PGM5: variants seen among roughly 807,000 people sequenced by gnomAD.
PGM5 encodes phosphoglucomutase-like protein 5.
In PGM5, 23 loss-of-function variants were observed where a neutral mutation model predicts 59.2. The observed-to-expected ratio is 0.39, with a 90% CI of 0.28 to 0.55. PGM5 has a LOEUF of 0.55. Ranked by LOEUF, PGM5 falls within the 20% of genes least tolerant of loss-of-function variation. The pLI is 0.66. For synonymous variants in PGM5, 214 were observed against 286.0 expected (o/e 0.75, Z 2.54); for missense variants, 574 against 748.3 (o/e 0.77, Z 2.72).
At chr9:68,465,003 T>C in intron 6 of PGM5, 90 bp from the exon 7 acceptor site, 2 of 731,472 alleles carry the variant, frequency 2.7e-6, no homozygotes, top group Non-Finnish European at 2.4e-6. Flanking sequence ...GCTATGGATT[T>C]AGTAGATCCT....
rs531704768 is a variant in PGM5, at chr9:68,394,723, C to A, written c.1043+2250C>A. On this transcript the variant is annotated intron_variant, in intron 6 of 10. Transcript: ENST00000396396. Reference sequence around the variant, plus strand: ...GTAACCTTCAACTGCTGGGCTCAAGCAATCCTCCCAACTCAGCCTCCTGAG... The same window carrying A: ...GTAACCTTCAACTGCTGGGCTCAAGAAATCCTCCCAACTCAGCCTCCTGAG... Among the ~76,000 whole-genome samples the A allele has an allele frequency of 5.2e-3, 788 of 151,768 alleles. 3 individuals are homozygous for A. The highest frequency in any genetic ancestry group is 0.019 in the African/African-American group (767 of 41,352).
intron 7 of PGM5, among the ~76,000 whole-genome samples, chr9:68,476,711 C>T (rs1331624293): frequency 6.6e-6 from 1 of 152,196 alleles, no homozygotes; most frequent in Non-Finnish European, 1.5e-5. Context: ...CCTTATTAAT[C>T]TTGGCAAATG....
At chr9:68,467,857 T>A (rs1438779470) in intron 7 of PGM5, among the ~76,000 whole-genome samples, 1 of 152,198 alleles carries the variant, frequency 6.6e-6, no homozygotes, top group African/African-American at 2.4e-5. Flanking sequence ...TGCAACTTCC[T>A]TAGTTGCAAT....
intron 9 of PGM5, among the ~76,000 whole-genome samples, chr9:68,489,762 C>T (rs1387225943): frequency 6.6e-6 from 1 of 152,190 alleles, no homozygotes; most frequent in African/African-American, 2.4e-5. Context: ...GCTCAAAAAT[C>T]ATGAAACTCT....
At position 68,529,687 on chromosome 9, in the gene PGM5, G is replaced by A; in HGVS notation, c.*31G>A. On this transcript the variant is annotated 3_prime_UTR_variant, in exon 11 of 11. Coordinates refer to ENST00000396396, the MANE Select transcript of PGM5 (RefSeq NM_021965.4). ...GGAAAGATCACTCACCAGGGCCAAA[G>A]AGAGTGCTCAGCGGGAGATGCTTCA... The A allele has an allele frequency of 1.4e-6, 2 of 1,405,856 alleles. No homozygotes were observed. Among genetic ancestry groups the A allele is most frequent in the Non-Finnish European group, 2.0e-6 (2 of 1,015,660 alleles). The allele number at this position is 1,405,856 out of a possible 1,614,324, so 87.1% of individuals were successfully genotyped here.
At chr9:68,409,374 G>A (rs1466968143) in intron 6 of PGM5, among the ~76,000 whole-genome samples, 7 of 142,364 alleles carry the variant, frequency 4.9e-5, no homozygotes, top group Non-Finnish European at 1.1e-4. Context: ...CCCATTACTG[G>A]GTATATACCC....
At chr9:68,430,000 G>C (rs1169423360) in intron 6 of PGM5, among the ~76,000 whole-genome samples, 1 of 152,062 alleles carries the variant, frequency 6.6e-6, no homozygotes, top group Non-Finnish European at 1.5e-5. Context: ...ATCTGAGGTT[G>C]GTTTTGTTTC....
chr9:68,410,785 G>A (rs1480786685), intron 6 of PGM5, among the ~76,000 whole-genome samples: 140 of 152,132 alleles, frequency 9.2e-4, no homozygotes, highest in Non-Finnish European at 1.6e-3. Flanking sequence ...AAGCAATGTG[G>A]CTCTCTGTTG....
intron 10 of PGM5, among the ~76,000 whole-genome samples, chr9:68,518,978 C>A (rs1443045582): frequency 1.3e-5 from 2 of 152,178 alleles, no homozygotes; most frequent in African/African-American, 2.4e-5. Context: ...CACATCTAGA[C>A]ACATCAGGCT....
At chr9:68,378,548 T>C (rs1422604466) in intron 2 of PGM5, among the ~76,000 whole-genome samples, 187 bp downstream of exon 2, 2 of 152,058 alleles carry the variant, frequency 1.3e-5, no homozygotes, top group East Asian at 1.9e-4. Context: ...ATTTGGGTGG[T>C]CTCTTGGTCC....
chr9:68,454,216 C>G (rs1823738229), intron 6 of PGM5, among the ~76,000 whole-genome samples: 1 of 152,192 alleles, frequency 6.6e-6, no homozygotes, highest in Non-Finnish European at 1.5e-5. Flanking sequence ...GGTCAAGGTT[C>G]CTGCCAAGCA....
At chr9:68,382,486 C>G (rs1217898568) in intron 2 of PGM5, among the ~76,000 whole-genome samples, 3 of 151,724 alleles carry the variant, frequency 2.0e-5, no homozygotes, top group African/African-American at 7.2e-5. Flanking sequence ...AAAGCTCAGG[C>G]TACAAAAGCA....
At chr9:68,423,669 C>G (rs1333642700) in intron 6 of PGM5, among the ~76,000 whole-genome samples, 4 of 151,708 alleles carry the variant, frequency 2.6e-5, no homozygotes, top group East Asian at 2.0e-4. Flanking sequence ...CTCTCTCTCT[C>G]TCTCTCTCTC....
intron 6 of PGM5, among the ~76,000 whole-genome samples, chr9:68,459,139 C>T (rs1458372342): frequency 3.9e-5 from 6 of 152,170 alleles, no homozygotes; most frequent in Admixed American, 2.0e-4. Flanking sequence ...ATTGTGTAAA[C>T]ATCACTAATT....
At chr9:68,526,167 T>A (rs775383028) in intron 10 of PGM5, among the ~76,000 whole-genome samples, 2 of 152,222 alleles carry the variant, frequency 1.3e-5, no homozygotes, top group Non-Finnish European at 2.9e-5. Flanking sequence ...TCCCAGGCCT[T>A]CCTGGGGTCA....
chr9:68,469,167 C>A (rs1823983585), intron 7 of PGM5, among the ~76,000 whole-genome samples: 1 of 152,210 alleles, frequency 6.6e-6, no homozygotes, highest in Non-Finnish European at 1.5e-5. Flanking sequence ...ATCCGCCCAC[C>A]TTGGCCTCCG....
At chr9:68,398,322 G>C (rs1290222964) in intron 6 of PGM5, 1 of 152,078 alleles carries the variant, frequency 6.6e-6, no homozygotes. Context: ...AGGCAGGAAA[G>C]AGATGGCACC....
At chr9:68,529,351 G>A (rs1354738858) in intron 10 of PGM5, among the ~76,000 whole-genome samples, 1 of 152,022 alleles carries the variant, frequency 6.6e-6, no homozygotes, top group Non-Finnish European at 1.5e-5. Flanking sequence ...TTTTGAAGCT[G>A]GTTAAGACTT....
chr9:68,374,987 G>A (rs1177681289), intron 1 of PGM5, among the ~76,000 whole-genome samples: 3 of 151,930 alleles, frequency 2.0e-5, no homozygotes, highest in African/African-American at 7.3e-5. Context: ...TTACATGTTG[G>A]TATTGGTTTG....
Sources: gnomAD v4.1 joint callset for allele counts (sites outside exome capture counted in the v4.1 genomes callset) on GRCh38, gnomAD v4.1.1 for gene constraint, MANE v1.5 for transcripts, NCBI Gene and HGNC (gene_info 2026-07-23, HGNC 2026-07-21) for gene names.